The following SPTLC1 variants were observed in gnomAD, a reference collection of about 807,000 sequenced individuals.
SPTLC1 encodes the protein serine palmitoyltransferase 1.
In SPTLC1, 55 loss-of-function variants were observed where a neutral mutation model predicts 68.9. The ratio of observed to expected loss-of-function variants is 0.80; its 90% confidence interval spans 0.64 to 1.00. SPTLC1 has a LOEUF of 1.00. Ranked by LOEUF, SPTLC1 falls within the 50% of genes least tolerant of loss-of-function variation. SPTLC1 has a pLI of 0.00. For missense variants in SPTLC1, 449 were observed against 573.1 expected (o/e 0.78, Z 2.21); for synonymous variants, 197 against 201.6 (o/e 0.98, Z 0.19).
chr9:92,037,121 T>C (rs1284749369), intron 13 of SPTLC1, among the ~76,000 whole-genome samples: 5 of 152,192 alleles, frequency 3.3e-5, no homozygotes, highest in African/African-American at 1.2e-4. Context: ...ATTTGGGACA[T>C]AGGACAGCTG....
chr9:92,074,850 C>T (rs35601292), intron 5 of SPTLC1, among the ~76,000 whole-genome samples: 9,542 of 152,136 alleles, frequency 0.063, 393 homozygotes, highest in Middle Eastern at 0.11. Context: ...ACTCATTATT[C>T]TGTTATTGAC....
At chr9:92,046,597 C>T (rs182653314) in intron 11 of SPTLC1, among the ~76,000 whole-genome samples, 117 of 152,182 alleles carry the variant, frequency 7.7e-4, no homozygotes, top group African/African-American at 2.7e-3. Flanking sequence ...AATACTGTAC[C>T]GGGTAGGGCC....
chr9:92,038,344 C>G lies in SPTLC1; in HGVS notation c.1158G>C (p.Val386=). The part of the protein sequence containing the change: ...ALQGISGLKV[V]GESLSPAFHL... The stretch of plus-strand genomic sequence containing the variant: ...GAAAGGCTGGAGAAAGGGACTCCCC[C>G]ACCACTTTTAATCCAGAAATGCTGA... Residue 386 remains valine, a synonymous_variant, in exon 13 of 15, where the codon GTG becomes GTC. Transcript: ENST00000262554. The G allele has an allele frequency of 1.9e-6, 3 of 1,613,482 alleles. No individual in the cohort carries two copies. Among genetic ancestry groups the G allele is most frequent in the Non-Finnish European group, 2.5e-6 (3 of 1,179,450 alleles).
intron 3 of SPTLC1, among the ~76,000 whole-genome samples, chr9:92,097,928 G>C (rs549226479): frequency 6.3e-4 from 96 of 152,164 alleles, no homozygotes; most frequent in African/African-American, 2.3e-3. Context: ...CTGTCTAAAG[G>C]AAAAAAATCT....
intron 6 of SPTLC1, among the ~76,000 whole-genome samples, chr9:92,062,746 G>A (rs1834149026): frequency 6.6e-6 from 1 of 152,118 alleles, no homozygotes; most frequent in Admixed American, 6.5e-5. Context: ...TGAAGCAAAA[G>A]AATCCATTGA....
intron 3 of SPTLC1, among the ~76,000 whole-genome samples, chr9:92,083,830 GA>G (rs1564106097): frequency 6.6e-6 from 1 of 151,978 alleles, no homozygotes; most frequent in Non-Finnish European, 1.5e-5. Flanking sequence ...ATTACCTGGG[GA>G]AGTATGGCCA....
At position 92,112,546 on chromosome 9, in the gene SPTLC1, A is replaced by G; in HGVS notation, c.74T>C (p.Leu25Pro). The change falls in exon 2 of 15, where the codon CTT (leucine) becomes CCT (proline). Residue 25 changes from leucine to proline, a missense_variant. Around this residue, in one of 3 missense-constraint regions of SPTLC1, gnomAD observed 46 missense variants for 57.8 expected, o/e 0.80. Transcript: ENST00000262554. ...QALYEAPAYH[L>P]ILEGILILWI... ...GAGGATCAGAATCCCTTCCAAAATA[A>G]GATGGTAAGCAGGAGCCTAAGAGTG... 1 of 1,606,434 alleles carries G rather than the reference A, an allele frequency of 6.2e-7. No individual in the cohort carries two copies.
chr9:92,081,186 T>G (rs767458361), intron 3 of SPTLC1, among the ~76,000 whole-genome samples: 3 of 151,910 alleles, frequency 2.0e-5, no homozygotes, highest in Non-Finnish European at 4.4e-5. Flanking sequence ...ACTATGAAAA[T>G]AAAAAAGAAA....
At chr9:92,038,017 G>C (rs1230088299) in intron 13 of SPTLC1, among the ~76,000 whole-genome samples, 1 of 152,180 alleles carries the variant, frequency 6.6e-6, no homozygotes, top group African/African-American at 2.4e-5. Context: ...TCTTTGGAGG[G>C]AGCCACACAT....
At position 92,032,104 on chromosome 9, in the gene SPTLC1, T is replaced by G; in HGVS notation, c.*361A>C. 1 of 615,004 alleles carries G rather than the reference T, an allele frequency of 1.6e-6. No individual in the cohort carries two copies. The highest frequency in any genetic ancestry group is 2.8e-6 in the Non-Finnish European group (1 of 358,924). 38.1% of individuals were successfully genotyped at this position (615,004 alleles called of 1,614,324 possible). On this transcript the variant is annotated 3_prime_UTR_variant, in exon 15 of 15. Transcript: ENST00000262554. ...TAAGGAGTGCTTACTGAACCATTAC[T>G]ATTAGAGGGAGGGAAGAGACACTGA...
At position 92,038,747 on chromosome 9, in the gene SPTLC1, C is replaced by T. The variant is rs146889778; in HGVS notation, c.1137-382G>A. On this transcript the variant is annotated intron_variant, in intron 12 of 14. Transcript: ENST00000262554. Reference sequence around the variant, plus strand: ...GTTGGCTGCATGTGCCAGGGCCCAGCTCCAGCACTGCCTGCTGCTGGGGCC... The same window carrying T: ...GTTGGCTGCATGTGCCAGGGCCCAGTTCCAGCACTGCCTGCTGCTGGGGCC... 2.4e-3 allele frequency among the ~76,000 whole-genome samples: 371 copies of T among 152,336 alleles called. 2 individuals carry two copies. The highest frequency in any genetic ancestry group is 0.017 in the Middle Eastern group (5 of 294).
At chr9:92,048,487 T>C (rs1833596106) in intron 9 of SPTLC1, among the ~76,000 whole-genome samples, 1 of 152,162 alleles carries the variant, frequency 6.6e-6, no homozygotes, top group African/African-American at 2.4e-5. Context: ...GTTTAAACCT[T>C]TCATTATGAA....
intron 3 of SPTLC1, among the ~76,000 whole-genome samples, chr9:92,091,098 C>G (rs1835346836): frequency 6.7e-6 from 1 of 148,242 alleles, no homozygotes; most frequent in African/African-American, 2.6e-5. Context: ...TGATCTCTAA[C>G]AATGCTACCT....
intron 3 of SPTLC1, among the ~76,000 whole-genome samples, chr9:92,097,193 G>A (rs1488313211): frequency 6.6e-6 from 1 of 152,184 alleles, no homozygotes; most frequent in Non-Finnish European, 1.5e-5. Flanking sequence ...TGAAGAAATT[G>A]TAAACCTCAT....
chr9:92,065,817 C>A (rs556657151), intron 6 of SPTLC1, among the ~76,000 whole-genome samples: 2 of 152,244 alleles, frequency 1.3e-5, no homozygotes, highest in South Asian at 4.1e-4. Flanking sequence ...AGACCCAGGA[C>A]ATTTGCTGTA....
intron 5 of SPTLC1, among the ~76,000 whole-genome samples, chr9:92,073,776 C>T (rs1421813221): frequency 2.6e-5 from 4 of 152,228 alleles, no homozygotes; most frequent in African/African-American, 9.6e-5. Context: ...CGGCAGCGCG[C>T]CTTTCAGAAT....
Position 92,032,308 on chromosome 9 carries a change from C to G in SPTLC1, c.*157G>C. 1 of 1,541,842 alleles carries G rather than the reference C, an allele frequency of 6.5e-7. No homozygotes were observed. The highest frequency in any genetic ancestry group is 1.2e-5 in the South Asian group (1 of 84,572). ...TTTTAAAAAAAATAAGCATCCTTCT[C>G]ATGGTCACACAATTGGTCCATACTG... On this transcript the variant is annotated 3_prime_UTR_variant, in exon 15 of 15. Transcript: ENST00000262554.
intron 13 of SPTLC1, among the ~76,000 whole-genome samples, chr9:92,036,470 A>G (rs1833144961): frequency 1.3e-5 from 2 of 152,266 alleles, no homozygotes; most frequent in African/African-American, 4.8e-5. Flanking sequence ...CAATGAATAC[A>G]CTGGCATCTG....
chr9:92,082,901 G>A (rs1278411495), intron 3 of SPTLC1, among the ~76,000 whole-genome samples: 1 of 151,904 alleles, frequency 6.6e-6, no homozygotes, highest in African/African-American at 2.4e-5. Flanking sequence ...TCCAGCACCT[G>A]TTGTTTCCTG....
Sources: gnomAD v4.1 joint callset for allele counts (sites outside exome capture counted in the v4.1 genomes callset) on GRCh38, gnomAD v4.1.1 for gene constraint, gnomAD v4.1.1 regional missense constraint, MANE v1.5 for transcripts, NCBI Gene and HGNC (gene_info 2026-07-23, HGNC 2026-07-21) for gene names.